The following SH3GLB1 variants were observed in gnomAD, a reference collection of about 807,000 sequenced individuals.
SH3GLB1 encodes SH3 domain containing GRB2 like, endophilin B1, also known as endophilin-B1.
Under a neutral mutation model 42.0 loss-of-function variants are expected in SH3GLB1, and 17 were observed. The ratio of observed to expected loss-of-function variants is 0.40; its 90% CI spans 0.28 to 0.61. SH3GLB1 has a LOEUF of 0.61. SH3GLB1 is among the 20% of genes least tolerant of loss of function. The probability of loss-of-function intolerance (pLI) is 0.36; values close to 1 mark genes in which losing one functional copy is unlikely to be tolerated. For missense variants in SH3GLB1, 355 were observed against 426.3 expected (o/e 0.83, Z 1.47); for synonymous variants, 132 against 146.6 (o/e 0.90, Z 0.72).
chr1:86,722,659 T>A lies in SH3GLB1; in HGVS notation c.463T>A (p.Tyr155Asn), dbSNP rs1280287373. The stretch of plus-strand genomic sequence containing the variant: ...TTTAAGAAACTTTATAGAAGGAGAT[T>A]ACAAAACAATTGCTGTGAGTTGAAA... ...TPLRNFIEGD[Y>N]KTIAKERKLL... is the part of the protein sequence containing the mutation. Residue 155 changes from tyrosine (Y) to asparagine (N), a missense_variant, in exon 4 of 9, where the codon TAC becomes AAC. Coordinates refer to ENST00000370558, the MANE Select transcript of SH3GLB1 (RefSeq NM_016009.5). 1 of 1,600,688 alleles carries A rather than the reference T, an allele frequency of 6.2e-7. No homozygotes were observed. The highest frequency in any genetic ancestry group is 1.3e-5 in the African/African-American group (1 of 74,156).
At chr1:86,704,995 G>T (rs541139317) in intron 1 of SH3GLB1, 24 bp downstream of exon 1, 2 of 1,524,970 alleles carry the variant, frequency 1.3e-6, no homozygotes, top group Non-Finnish European at 1.8e-6. Flanking sequence ...GGGGGGAAAA[G>T]GGGTGGCGGC....
At chr1:86,710,454 G>A (rs1425992390) in intron 1 of SH3GLB1, among the ~76,000 whole-genome samples, 2 of 151,636 alleles carry the variant, frequency 1.3e-5, no homozygotes, top group Admixed American at 6.6e-5. Flanking sequence ...TAGTAGAGAC[G>A]GGGTTTCACC....
At chr1:86,728,879 T>G (rs952849796) in intron 5 of SH3GLB1, among the ~76,000 whole-genome samples, 1 of 152,146 alleles carries the variant, frequency 6.6e-6, no homozygotes, top group African/African-American at 2.4e-5. Flanking sequence ...AGATTTACCT[T>G]ATTTTCACCC....
At chr1:86,724,892 A>AATATATATATATATATATATAT (rs58927851) in intron 5 of SH3GLB1, among the ~76,000 whole-genome samples, 40 of 99,630 alleles carry the variant, frequency 4.0e-4, no homozygotes, top group South Asian at 8.9e-4. Context: ...AAAAAAAAAA[A>AATATATATATATATATATATAT]ATATATATAT....
intron 7 of SH3GLB1, among the ~76,000 whole-genome samples, chr1:86,738,234 GTTGT>G (rs1487638986): frequency 2.2e-5 from 3 of 133,386 alleles, no homozygotes; most frequent in Admixed American, 1.4e-4. Context: ...GCCTGTGGGT[GTTGT>G]TTGTTTTTTG....
At chr1:86,723,262 A>T (rs559858530) in intron 4 of SH3GLB1, among the ~76,000 whole-genome samples, 1 of 152,214 alleles carries the variant, frequency 6.6e-6, no homozygotes. Flanking sequence ...CTGTAATCCT[A>T]GCACTTTGGG....
rs750889596 is a variant in SH3GLB1 at position 86,743,226 on chromosome 1, G to T, written c.1089G>T (p.Leu363=). ...AGGTGCCAATTACCTACTTAGAACT[G>T]CTCAATTAAGTAGGTGGACTATGGA... ...KGKVPITYLE[L]LN Residue 363 remains leucine, a synonymous_variant, in exon 9 of 9, where the codon CTG becomes CTT. Transcript: ENST00000370558. 2.0e-5 allele frequency: 32 copies of T among 1,597,842 alleles called. No individual in the cohort carries two copies. The highest frequency in any genetic ancestry group is 2.6e-5 in the Non-Finnish European group (31 of 1,174,578).
intron 5 of SH3GLB1, 95 bp downstream of exon 5, chr1:86,724,500 A>G (rs1655047167): frequency 2.0e-6 from 2 of 988,642 alleles, no homozygotes; most frequent in Non-Finnish European, 3.0e-6. Context: ...TTAACTTTAG[A>G]GTCTTGTTTT....
In SH3GLB1 at chr1:86,734,701, C is replaced by G. The variant is rs367887494; in HGVS notation, c.660+10C>G. On this transcript the variant is annotated intron_variant, in intron 6 of 8. Coordinates refer to ENST00000370558, the MANE Select transcript of SH3GLB1 (RefSeq NM_016009.5). ...AATCAGCAGTACACATGTGAGTATT[C>G]ATTCATTGGAAATTCATTTGGAACA... is the stretch of plus-strand genomic sequence containing the variant. 3.8e-6 allele frequency: 6 copies of G among 1,598,918 alleles called. No homozygotes were observed. The African/African-American group carries it at 8.1e-5, about 21-fold the overall frequency.
At chr1:86,710,827 G>C (rs1170406184) in intron 1 of SH3GLB1, among the ~76,000 whole-genome samples, 1 of 152,204 alleles carries the variant, frequency 6.6e-6, no homozygotes, top group African/African-American at 2.4e-5. Flanking sequence ...GGAAAGTAAA[G>C]TAATGCAGCA....
intron 3 of SH3GLB1, among the ~76,000 whole-genome samples, chr1:86,722,165 CTT>C (rs11364051): frequency 1.0e-4 from 14 of 138,546 alleles, no homozygotes; most frequent in Admixed American, 2.2e-4. Flanking sequence ...CTCAGCCATC[CTT>C]TTTTTTTTTT....
chr1:86,736,934 T>C (rs928198124), intron 7 of SH3GLB1, among the ~76,000 whole-genome samples: 8 of 152,180 alleles, frequency 5.3e-5, no homozygotes, highest in African/African-American at 1.9e-4. Flanking sequence ...AAAAACTATT[T>C]ATGAAGAAGA....
At chr1:86,722,701 A>T (rs1485360180) in intron 4 of SH3GLB1, 28 bp downstream of exon 4, 2 of 1,558,542 alleles carry the variant, frequency 1.3e-6, no homozygotes, top group South Asian at 2.4e-5. Context: ...CCCTTTATTT[A>T]GTAAAATCAT....
intron 5 of SH3GLB1, chr1:86,730,097 G>T: frequency 6.3e-7 from 1 of 1,596,440 alleles, no homozygotes; most frequent in East Asian, 2.3e-5. Flanking sequence ...GATTTGGGCA[G>T]AGGAGGTGAC....
chr1:86,738,342 T>C (rs1655884293), intron 7 of SH3GLB1, among the ~76,000 whole-genome samples: 1 of 152,106 alleles, frequency 6.6e-6, no homozygotes, highest in Non-Finnish European at 1.5e-5. Flanking sequence ...CTCGGCTCAC[T>C]GCAAGCTCCT....
chr1:86,743,257 T>TA lies in SH3GLB1; in HGVS notation c.*22_*23insA. On this transcript the variant is annotated 3_prime_UTR_variant, in exon 9 of 9. Transcript: ENST00000370558. ...TTAAGTAGGTGGACTATGGAAAGGT[T>TA]GCCCATCATGACTTTGTATTTATAT... is the stretch of plus-strand genomic sequence containing the variant. 1 of 1,533,222 alleles carries TA rather than the reference T, an allele frequency of 6.5e-7. No homozygotes were observed. The highest frequency in any genetic ancestry group is 8.9e-7 in the Non-Finnish European group (1 of 1,127,922). The allele number at this position is 1,533,222 out of a possible 1,614,324, so 95.0% of individuals were successfully genotyped here.
At chr1:86,716,357 C>T (rs1023559633) in intron 2 of SH3GLB1, among the ~76,000 whole-genome samples, 2 of 152,108 alleles carry the variant, frequency 1.3e-5, no homozygotes, top group Admixed American at 6.5e-5. Context: ...TCACTGCAAC[C>T]TCCACCTCCC....
At position 86,706,189 on chromosome 1, in the gene SH3GLB1, C is replaced by A. The variant is rs111990836; in HGVS notation, c.72+1218C>A. 9.3e-3 allele frequency among the ~76,000 whole-genome samples: 1,422 copies of A among 152,308 alleles called. 25 individuals are homozygous for A. Among genetic ancestry groups the A allele is most frequent in the African/African-American group, 0.033 (1,365 of 41,570 alleles). On this transcript the variant is annotated intron_variant, in intron 1 of 8. Coordinates refer to ENST00000370558, the MANE Select transcript of SH3GLB1 (RefSeq NM_016009.5). Reference sequence around the variant, plus strand: ...AGCCTTACTGAGGTTAAGAAACTTGCACAACTAGTAAATAACCAGGTGCTG... The same window carrying A: ...AGCCTTACTGAGGTTAAGAAACTTGAACAACTAGTAAATAACCAGGTGCTG...
At chr1:86,715,695 T>A (rs772421851) in intron 1 of SH3GLB1, 29 bp from the exon 2 acceptor site, 1 of 1,567,036 alleles carries the variant, frequency 6.4e-7, no homozygotes, top group Non-Finnish European at 8.6e-7. Flanking sequence ...TTGCAGTATA[T>A]TTAATTTTTG....
Sources: allele counts gnomAD v4.1 joint callset (sites outside exome capture counted in the v4.1 genomes callset), GRCh38; gene constraint gnomAD v4.1.1; transcripts MANE v1.5; gene names NCBI Gene and HGNC (gene_info 2026-07-23, HGNC 2026-07-21).